Variants in RAPGEF2 observed in about 807,000 individuals in gnomAD.
RAPGEF2 encodes Rap guanine nucleotide exchange factor 2.
RAPGEF2 carries 54 observed loss-of-function variants against 186.7 expected under a neutral mutation model. That is an observed-to-expected ratio of 0.29 (90% CI 0.23 to 0.36). The LOEUF is 0.36. RAPGEF2 is among the 10% of genes least tolerant of loss of function. The pLI, the probability that RAPGEF2 is intolerant of heterozygous loss-of-function variation, is 1.00. For synonymous variants in RAPGEF2, 712 were observed against 705.9 expected (o/e 1.01, Z -0.14); for missense variants, 1,532 against 2,045.0 (o/e 0.75, Z 4.84).
At chr4:159,267,983 G>A (rs1346067438) in intron 7 of RAPGEF2, 2 of 1,412,212 alleles carry the variant, frequency 1.4e-6, no homozygotes, top group Non-Finnish European at 1.8e-6. Flanking sequence ...TGGTCTACAA[G>A]TGTGAAGGGT....
intron 3 of RAPGEF2, among the ~76,000 whole-genome samples, chr4:159,193,459 A>G (rs947964035): frequency 6.6e-6 from 1 of 152,204 alleles, no homozygotes; most frequent in African/African-American, 2.4e-5. Flanking sequence ...TTGTGTCTAT[A>G]TTTGTATCTC....
intron 1 of RAPGEF2, among the ~76,000 whole-genome samples, chr4:159,122,106 A>G (rs1739760607): frequency 6.6e-6 from 1 of 151,592 alleles, no homozygotes; most frequent in Non-Finnish European, 1.5e-5. Context: ...AAAAGTAGGT[A>G]TGTCATGAAT....
intron 2 of RAPGEF2, among the ~76,000 whole-genome samples, chr4:159,189,015 A>G (rs769058310): frequency 3.9e-5 from 5 of 128,004 alleles, no homozygotes; most frequent in Non-Finnish European, 8.0e-5. Flanking sequence ...AAATAGAGGT[A>G]CAGATAAACC....
chr4:159,259,102 A>G (rs1756514180), intron 7 of RAPGEF2, among the ~76,000 whole-genome samples: 1 of 152,220 alleles, frequency 6.6e-6, no homozygotes, highest in Admixed American at 6.5e-5. Context: ...GAGGTTAAGT[A>G]ACATGTTCAA....
At chr4:159,117,283 G>A (rs1408460229) in intron 1 of RAPGEF2, among the ~76,000 whole-genome samples, 1 of 152,196 alleles carries the variant, frequency 6.6e-6, no homozygotes, top group Non-Finnish European at 1.5e-5. Flanking sequence ...TGAAGAGCAA[G>A]CTTTAGGGCA....
Position 159,358,104 on chromosome 4 carries a change from G to C in RAPGEF2, c.4958-10G>C, listed in dbSNP as rs199542283. The C allele has an allele frequency of 6.2e-7, 1 of 1,611,584 alleles. No homozygotes were observed. The highest frequency in any genetic ancestry group is 1.7e-5 in the Admixed American group (1 of 59,596). On this transcript the variant is annotated splice_polypyrimidine_tract_variant and intron_variant, in intron 29 of 29. Coordinates refer to ENST00000691494, the MANE Select transcript of RAPGEF2 (RefSeq NM_001394067.2). The stretch of plus-strand genomic sequence containing the variant: ...CATTGATTTCTTTTTCTTCCCTGCT[G>C]TATTTGCAGAAGATGAACAAGTTTC...
intron 4 of RAPGEF2, among the ~76,000 whole-genome samples, chr4:159,215,284 C>G (rs1750891739): frequency 6.6e-6 from 1 of 152,092 alleles, no homozygotes. Flanking sequence ...CCCATCCTGT[C>G]TCCTCAGCCT....
chr4:159,266,873 T>C lies in RAPGEF2; in HGVS notation c.543+23082T>C, dbSNP rs528898891. ...GTCCTTGCTCCGTTTTCCCACCCTG[T>C]CTTCAGTGATATTATTTGGAGTCAG... is the stretch of plus-strand genomic sequence containing the variant. On this transcript the variant is annotated intron_variant, in intron 7 of 29. Transcript: ENST00000691494. 191 of 176,898 alleles carry C rather than the reference T, an allele frequency of 1.1e-3. 1 individual carries two copies. The highest frequency in any genetic ancestry group is 4.3e-3 in the African/African-American group (187 of 43,020). 11.0% of individuals were successfully genotyped at this position (176,898 alleles called of 1,614,324 possible).
chr4:159,119,918 CT>C (rs1739472114), intron 1 of RAPGEF2, among the ~76,000 whole-genome samples: 1 of 152,106 alleles, frequency 6.6e-6, no homozygotes, highest in Non-Finnish European at 1.5e-5. Flanking sequence ...TTTTTGGGTG[CT>C]CCAATTGTAT....
intron 7 of RAPGEF2, among the ~76,000 whole-genome samples, chr4:159,264,570 T>C (rs902807072): frequency 6.6e-6 from 1 of 152,198 alleles, no homozygotes; most frequent in Non-Finnish European, 1.5e-5. Flanking sequence ...CATTTACTTT[T>C]TTTAAATTGT....
chr4:159,279,826 G>A lies in RAPGEF2; in HGVS notation c.544-24516G>A, dbSNP rs144539083. Among the ~76,000 whole-genome samples the A allele has an allele frequency of 9.0e-3, 1,360 of 151,924 alleles. 14 individuals are homozygous for A. The highest frequency in any genetic ancestry group is 0.015 in the Non-Finnish European group (1,008 of 67,936). On this transcript the variant is annotated intron_variant, in intron 7 of 29. Coordinates refer to ENST00000691494, the MANE Select transcript of RAPGEF2 (RefSeq NM_001394067.2). ...CCCGAGTAGCTGGGACTACAGGTGCGTATCACCACACCCAGCTAATTTTTG... is the reference window on the plus strand; with the variant it reads ...CCCGAGTAGCTGGGACTACAGGTGCATATCACCACACCCAGCTAATTTTTG...
chr4:159,184,986 A>T (rs967115671), intron 1 of RAPGEF2, among the ~76,000 whole-genome samples: 1 of 152,178 alleles, frequency 6.6e-6, no homozygotes, highest in African/African-American at 2.4e-5. Context: ...CATTTATTAA[A>T]TAGGGAATCC....
chr4:159,202,761 C>G lies in RAPGEF2; in HGVS notation c.198-7739C>G, dbSNP rs1749580963. On this transcript the variant is annotated intron_variant, in intron 3 of 29. Transcript: ENST00000691494. ...GGACTATAGGCACCCACCACCATGCCTGGCTAATTTTTGTATTTTTAGTAG... is the reference window on the plus strand; with the variant it reads ...GGACTATAGGCACCCACCACCATGCGTGGCTAATTTTTGTATTTTTAGTAG... Among the ~76,000 whole-genome samples, 3 of 152,102 alleles carry G rather than the reference C, an allele frequency of 2.0e-5. No homozygotes were observed. The South Asian group carries it at 6.2e-4, about 32-fold the overall frequency.
chr4:159,215,255 C>T (rs1262391057), intron 4 of RAPGEF2, among the ~76,000 whole-genome samples: 2 of 152,152 alleles, frequency 1.3e-5, no homozygotes, highest in Non-Finnish European at 2.9e-5. Flanking sequence ...TCACTGTGGC[C>T]TCAACCTCCT....
In RAPGEF2 at chr4:159,337,889, C is replaced by CAAAAAAAAAAAAAAA. The variant is rs553291521; in HGVS notation, c.2136-412_2136-398dup. 3.2e-3 allele frequency among the ~76,000 whole-genome samples: 105 copies of CAAAAAAAAAAAAAAA among 32,538 alleles called. 3 individuals are homozygous for CAAAAAAAAAAAAAAA. Among genetic ancestry groups the CAAAAAAAAAAAAAAA allele is most frequent in the Non-Finnish European group, 4.6e-3 (54 of 11,742 alleles). 21.3% of individuals were successfully genotyped at this position (32,538 alleles called of 152,430 possible). ...TGGGTGACAGAGTGAGACTCCATCT[C>CAAAAAAAAAAAAAAA]AAAAAAAAAAAAAAAAAAAAAAAAG... On this transcript the variant is annotated intron_variant, in intron 17 of 29. Coordinates refer to ENST00000691494, the MANE Select transcript of RAPGEF2 (RefSeq NM_001394067.2).
intron 1 of RAPGEF2, among the ~76,000 whole-genome samples, chr4:159,156,310 T>A (rs1437985332): frequency 6.6e-6 from 1 of 152,198 alleles, no homozygotes. Flanking sequence ...TGCTGCGTGT[T>A]GTTAACTTCT....
In RAPGEF2 at chr4:159,193,210, G is replaced by C. The variant is rs1186319624; in HGVS notation, c.151G>C (p.Glu51Gln). ...TTATCTCTTTTACAGGTTAATGTGT[G>C]AAACTGTGAGATATGAGAGACACGA... ...LREHQLRLMC[E>Q]TVRYERHEAN... Residue 51 changes from glutamate to glutamine, a missense_variant, in exon 3 of 30, where the codon GAA (glutamate) becomes CAA (glutamine). This residue lies in a region of RAPGEF2 where 810 missense variants were observed against 1,210.5 expected (regional missense o/e 0.67). Coordinates refer to ENST00000691494, the MANE Select transcript of RAPGEF2 (RefSeq NM_001394067.2). The C allele has an allele frequency of 2.7e-6, 4 of 1,501,192 alleles. No homozygotes were observed. In the East Asian group the frequency reaches 1.0e-4, roughly 38 times the overall value. 93.0% of individuals were successfully genotyped at this position (1,501,192 alleles called of 1,614,324 possible).
chr4:159,335,011 T>C (rs1225650276), intron 17 of RAPGEF2, among the ~76,000 whole-genome samples: 1 of 152,204 alleles, frequency 6.6e-6, no homozygotes, highest in Non-Finnish European at 1.5e-5. Flanking sequence ...ATTTATACTA[T>C]ACTAGCTATT....
intron 1 of RAPGEF2, among the ~76,000 whole-genome samples, chr4:159,159,039 T>A (rs892539785): frequency 6.6e-6 from 1 of 152,206 alleles, no homozygotes; most frequent in Admixed American, 6.5e-5. Context: ...TATGGTGAAA[T>A]GAAAGCTTAG....
Sources: gnomAD v4.1 joint callset for allele counts (sites outside exome capture counted in the v4.1 genomes callset) on GRCh38, gnomAD v4.1.1 for gene constraint, gnomAD v4.1.1 regional missense constraint, MANE v1.5 for transcripts, NCBI Gene and HGNC (gene_info 2026-07-23, HGNC 2026-07-21) for gene names.